Variants in EDA observed in about 807,000 individuals in gnomAD.
The protein encoded by EDA is ectodysplasin-A.
EDA carries 2 observed loss-of-function variants against 23.6 expected under a neutral mutation model. That is an observed-to-expected ratio of 0.08 (90% confidence interval 0.03 to 0.27). The LOEUF (loss-of-function observed/expected upper bound fraction) is 0.27. EDA is among the 10% of genes least tolerant of loss of function. The probability of loss-of-function intolerance (pLI) is 1.00; values close to 1 mark genes in which losing one functional copy is unlikely to be tolerated. For synonymous variants in EDA, 131 were observed against 132.0 expected, an observed-to-expected ratio of 0.99 and a Z score of 0.05; for missense variants, 229 against 324.2, an observed-to-expected ratio of 0.71 and a Z score of 2.26.
rs1374739497 is a variant in EDA, at chrX:69,616,205, C to T, written c.-104C>T. 7.0e-6 allele frequency: 7 copies of T among 1,002,484 alleles called. No homozygotes were observed. The highest frequency in any genetic ancestry group is 9.4e-6 in the Non-Finnish European group (7 of 744,302). 82.6% of individuals were successfully genotyped at this position (1,002,484 alleles called of 1,213,427 possible). A position where few individuals can be genotyped will look rare whatever the true frequency, so the allele number is the denominator to read the frequency against. Reference sequence around the variant, plus strand: ...GTCGCGCAGGAACGGGTCCCTGCAGCCCCCAGCCGATGGCAGGACAGTAGC... The same window carrying T: ...GTCGCGCAGGAACGGGTCCCTGCAGTCCCCAGCCGATGGCAGGACAGTAGC... On this transcript the variant is annotated 5_prime_UTR_variant, in exon 1 of 8. Coordinates refer to ENST00000374552, the MANE Select transcript of EDA (RefSeq NM_001399.5).
intron 1 of EDA, among the ~76,000 whole-genome samples, chrX:69,890,010 G>T (rs1251549420): frequency 1.8e-5 from 2 of 111,617 alleles, no homozygotes; most frequent in Non-Finnish European, 3.8e-5. Flanking sequence ...TGGATATTCG[G>T]TTGTCCAAGT....
At chrX:69,824,414 A>T (rs1357855977) in intron 1 of EDA, among the ~76,000 whole-genome samples, 1 of 109,432 alleles carries the variant, frequency 9.1e-6, no homozygotes, top group African/African-American at 3.3e-5. Flanking sequence ...GGTCCTTCAC[A>T]TCCCTTGTAA....
chrX:69,970,558 A>T (rs1307897449), intron 2 of EDA, among the ~76,000 whole-genome samples: 1 of 111,393 alleles, frequency 9.0e-6, no homozygotes. Flanking sequence ...GATTGTGATG[A>T]TCAAAAAGGA....
chrX:69,846,010 G>A (rs1165710646), intron 1 of EDA, among the ~76,000 whole-genome samples: 2 of 112,032 alleles, frequency 1.8e-5, no homozygotes, highest in Admixed American at 1.9e-4. Context: ...AACTGCTCCT[G>A]AATTTCTGAC....
chrX:69,675,108 G>A (rs1934035459), intron 1 of EDA, among the ~76,000 whole-genome samples: 1 of 109,027 alleles, frequency 9.2e-6, no homozygotes, highest in Non-Finnish European at 1.9e-5. Context: ...TCAGCCTCCT[G>A]AGTAGCTGGG....
intron 1 of EDA, among the ~76,000 whole-genome samples, chrX:69,661,051 G>A (rs1192961844): frequency 9.0e-6 from 1 of 110,791 alleles, no homozygotes; most frequent in Non-Finnish European, 1.9e-5. Flanking sequence ...ACTGGTGTGA[G>A]ATGGTATCTC....
chrX:69,822,526 G>A (rs978365313), intron 1 of EDA, among the ~76,000 whole-genome samples: 1 of 110,924 alleles, frequency 9.0e-6, no homozygotes, highest in Non-Finnish European at 1.9e-5. Flanking sequence ...TCAAGTCAAC[G>A]AGGGTGAGTG....
intron 1 of EDA, among the ~76,000 whole-genome samples, chrX:69,810,921 G>A (rs1402581602): frequency 1.8e-5 from 2 of 111,569 alleles, no homozygotes; most frequent in Non-Finnish European, 1.9e-5. Context: ...AGGAGTAAGG[G>A]TAAAACATTT....
At position 69,868,693 on chromosome X, in the gene EDA, C is replaced by T. The variant is rs144473406; in HGVS notation, c.397-88334C>T. 4.4e-3 allele frequency among the ~76,000 whole-genome samples: 495 copies of T among 112,322 alleles called. 4 individuals are homozygous for T. The highest frequency in any genetic ancestry group is 0.015 in the African/African-American group (477 of 30,930). On this transcript the variant is annotated intron_variant, in intron 1 of 7. Coordinates refer to ENST00000374552, the MANE Select transcript of EDA (RefSeq NM_001399.5). ...GACACAAAGCCAGAGAGGTAATATA[C>T]TCCTGAGGTAGGATAGTAAAGTATA...
chrX:69,715,694 C>T (rs1249682433), intron 1 of EDA, among the ~76,000 whole-genome samples: 2 of 112,004 alleles, frequency 1.8e-5, no homozygotes, highest in Non-Finnish European at 3.8e-5. Context: ...TTTATTCTCC[C>T]ACTAACAGTG....
Position 70,037,062 on chromosome X carries a change from C to T in EDA, c.*1453C>T, listed in dbSNP as rs1367059448. On this transcript the variant is annotated 3_prime_UTR_variant, in exon 8 of 8. Coordinates refer to ENST00000374552, the MANE Select transcript of EDA (RefSeq NM_001399.5). ...ATCATATGGTAGGACCCTCGAGAGC[C>T]TTACTTCAAAGTGCCTGGGCTCAGC... is the stretch of plus-strand genomic sequence containing the variant. 1 of 112,207 alleles carries T rather than the reference C, an allele frequency of 8.9e-6. No homozygotes were observed. Among genetic ancestry groups the T allele is most frequent in the Non-Finnish European group, 1.9e-5 (1 of 53,224 alleles). The allele number at this position is 112,207 out of a possible 1,213,427, so 9.2% of individuals were successfully genotyped here.
At chrX:70,010,036 G>C (rs1305683612) in intron 2 of EDA, among the ~76,000 whole-genome samples, 1 of 111,840 alleles carries the variant, frequency 8.9e-6, no homozygotes, top group Admixed American at 9.5e-5. Context: ...CACAGAATAT[G>C]GTCTGCCTTG....
intron 1 of EDA, among the ~76,000 whole-genome samples, chrX:69,673,925 A>G (rs1031880685): frequency 8.9e-6 from 1 of 111,813 alleles, no homozygotes; most frequent in Non-Finnish European, 1.9e-5. Flanking sequence ...CCTCTTTGCT[A>G]TCCCCTTTGT....
chrX:69,861,196 G>A, intron 1 of EDA: 2 of 240,726 alleles, frequency 8.3e-6, no homozygotes. Context: ...TTAAACATGT[G>A]GGTAAATATA....
chrX:69,845,296 C>T (rs778385595), intron 1 of EDA, among the ~76,000 whole-genome samples: 1 of 112,253 alleles, frequency 8.9e-6, no homozygotes, highest in East Asian at 2.8e-4. Flanking sequence ...CTATCTGATT[C>T]TTAGATACAT....
rs1019484439 is a variant in EDA at position 69,826,032 on chromosome X, G to A, written c.397-130995G>A. Among the ~76,000 whole-genome samples the A allele has an allele frequency of 1.1e-4, 12 of 108,623 alleles. No individual in the cohort carries two copies. The East Asian group carries it at 1.5e-3, about 13-fold the overall frequency. 94.3% of individuals were successfully genotyped at this position (108,623 alleles called of 115,157 possible). A position where few individuals can be genotyped will look rare whatever the true frequency, so the allele number is the denominator to read the frequency against. On this transcript the variant is annotated intron_variant, in intron 1 of 7. Coordinates refer to ENST00000374552, the MANE Select transcript of EDA (RefSeq NM_001399.5). ...TTTTGAGTGACATTCTTAATCCTGC[G>A]TTCTAGTTTGATTGCACTGTGGTCT...
chrX:69,853,904 A>T (rs2017188961), intron 1 of EDA, among the ~76,000 whole-genome samples: 1 of 111,997 alleles, frequency 8.9e-6, no homozygotes, highest in Admixed American at 9.5e-5. Context: ...ATATAAAAAC[A>T]ATTCTTAGCT....
chrX:69,684,762 T>G (rs1177657423), intron 1 of EDA, among the ~76,000 whole-genome samples: 1 of 112,784 alleles, frequency 8.9e-6, no homozygotes, highest in African/African-American at 3.2e-5. Flanking sequence ...AGATGTTGAC[T>G]GATTGAAATG....
intron 6 of EDA, among the ~76,000 whole-genome samples, chrX:70,032,082 A>T (rs1474820646): frequency 9.0e-6 from 1 of 110,780 alleles, no homozygotes; most frequent in Non-Finnish European, 1.9e-5. Context: ...AACATGGTGA[A>T]ACCCCGTCTC....
Sources: gnomAD v4.1 joint callset for allele counts (sites outside exome capture counted in the v4.1 genomes callset) on GRCh38, gnomAD v4.1.1 for gene constraint, MANE v1.5 for transcripts, NCBI Gene and HGNC (gene_info 2026-07-23, HGNC 2026-07-21) for gene names.